WDR86: variants seen among roughly 807,000 people sequenced by gnomAD.
WDR86 encodes WD repeat-containing protein 86.
In WDR86, 30 loss-of-function variants were observed where a neutral mutation model predicts 36.5. The ratio of observed to expected loss-of-function variants is 0.82; its 90% confidence interval spans 0.61 to 1.11. The LOEUF is 1.11. Ranked by LOEUF, WDR86 falls within the 50% of genes most tolerant of loss-of-function variation. WDR86 has a pLI of 0.00. For missense variants in WDR86, 545 were observed against 561.2 expected (o/e 0.97, Z 0.29); for synonymous variants, 255 against 252.9 (o/e 1.01, Z -0.08).
the WDR86 span, among the ~76,000 whole-genome samples, chr7:151,370,120 G>T: frequency 6.6e-6 from 1 of 150,844 alleles, no homozygotes; most frequent in Non-Finnish European, 1.5e-5. Context: ...TTATTCCAGA[G>T]TCTCACTCTG....
intron 1 of WDR86, among the ~76,000 whole-genome samples, chr7:151,400,801 A>G (rs898399060): frequency 6.6e-6 from 1 of 152,246 alleles, no homozygotes; most frequent in African/African-American, 2.4e-5. Context: ...CGCAGCAACC[A>G]TGGCGACTGC....
In WDR86 at chr7:151,401,834, G is replaced by A. The variant is rs911021514; in HGVS notation, c.164-1593C>T. Among the ~76,000 whole-genome samples, 1 of 151,548 alleles carries A rather than the reference G, an allele frequency of 6.6e-6. No individual in the cohort carries two copies. On this transcript the variant is annotated intron_variant, in intron 1 of 5. Coordinates refer to ENST00000334493, the MANE Select transcript of WDR86 (RefSeq NM_198285.3). This position sits in a 1 kb window ranked among gnomAD's most constrained non-coding sequence, Gnocchi z 4.3. Reference sequence around the variant, plus strand: ...GGAGGCCGAGGCGGGTGGATCACAAGGTCAGGAGTTCAAGATCAGCCTGGC... The same window carrying A: ...GGAGGCCGAGGCGGGTGGATCACAAAGTCAGGAGTTCAAGATCAGCCTGGC...
chr7:151,394,134 C>CCCAGG (rs1799638466), intron 3 of WDR86, among the ~76,000 whole-genome samples: 1 of 152,230 alleles, frequency 6.6e-6, no homozygotes, highest in African/African-American at 2.4e-5. Flanking sequence ...CGACGAGCTG[C>CCCAGG]TCTCCCAAGC....
rs1279367564 is a variant in WDR86 at position 151,408,181 on chromosome 7, AT to A, written c.163+1245del. On this transcript the variant is annotated intron_variant, in intron 1 of 5. Transcript: ENST00000334493. ...GAAATATCTGCCCTAACTATGTAAT[AT>A]TTTTTTCTTTTCTTTTCTTTTTTTT... 2.9e-5 allele frequency among the ~76,000 whole-genome samples: 4 copies of A among 136,128 alleles called. No homozygotes were observed. The East Asian group carries it at 6.3e-4, about 21-fold the overall frequency. 89.3% of individuals were successfully genotyped at this position (136,128 alleles called of 152,430 possible).
chr7:151,394,581 T>C (rs559755486), intron 3 of WDR86, among the ~76,000 whole-genome samples: 87 of 152,308 alleles, frequency 5.7e-4, no homozygotes, highest in African/African-American at 2.1e-3. Context: ...GACCCCAGCA[T>C]GGGGGATCAC....
At chr7:151,400,852 A>G (rs1186587460) in intron 1 of WDR86, among the ~76,000 whole-genome samples, 1 of 152,240 alleles carries the variant, frequency 6.6e-6, no homozygotes, top group Non-Finnish European at 1.5e-5. Context: ...ACTGCAGGCA[A>G]GCTCATTCAA....
At chr7:151,376,596 C>T, downstream of WDR86, 1 of 1,553,216 alleles carries the variant, frequency 6.4e-7, no homozygotes, top group Non-Finnish European at 8.7e-7. Flanking sequence ...AGAAGAGGCG[C>T]CAGGGGCTGA....
downstream of WDR86, among the ~76,000 whole-genome samples, chr7:151,371,718 T>G (rs1381439857): frequency 1.3e-5 from 2 of 152,194 alleles, no homozygotes; most frequent in African/African-American, 2.4e-5. Context: ...GGTATGAGCA[T>G]CTGACTGAGC....
rs1801096134 is a variant in WDR86 at position 151,409,991 on chromosome 7, A to G, written c.-402T>C. 1.0e-6 allele frequency: 1 copy of G among 1,003,726 alleles called. No individual in the cohort carries two copies. 62.2% of individuals were successfully genotyped at this position (1,003,726 alleles called of 1,614,324 possible). A position where few individuals can be genotyped will look rare whatever the true frequency, so the allele number is the denominator to read the frequency against. On this transcript the variant is annotated 5_prime_UTR_variant, in exon 1 of 6. Coordinates refer to ENST00000334493, the MANE Select transcript of WDR86 (RefSeq NM_198285.3). This position sits in a 1 kb window ranked among gnomAD's most constrained non-coding sequence, Gnocchi z 5.2. Reference sequence around the variant, plus strand: ...GCTGGGGCGGGGAGAGGAACACGGGAAGCCGAGCGCCCCGCGCCCTCCCCG... The same window carrying G: ...GCTGGGGCGGGGAGAGGAACACGGGGAGCCGAGCGCCCCGCGCCCTCCCCG...
At chr7:151,376,059 C>T (rs1450760654) in exon 2 of WDR86, 1 of 729,130 alleles carries the variant, frequency 1.4e-6, no homozygotes, top group Non-Finnish European at 2.5e-6. Context: ...CCTTGGCTCC[C>T]AGGCTCCAGG....
chr7:151,379,460 CA>C (rs1798454687), downstream of WDR86, among the ~76,000 whole-genome samples: 1 of 152,142 alleles, frequency 6.6e-6, no homozygotes, highest in African/African-American at 2.4e-5. Context: ...GTCAATTTAT[CA>C]AAAGCAGACA....
downstream of WDR86, chr7:151,377,118 G>T: frequency 6.3e-7 from 1 of 1,586,860 alleles, no homozygotes; most frequent in East Asian, 2.3e-5. Flanking sequence ...AGACATTCCA[G>T]AGCATGAGGA....
In WDR86 at chr7:151,409,486, T is replaced by TCGCTGCCCGTCAGCAGG. The variant is rs1192379941; in HGVS notation, c.87_103dup (p.Glu35AlafsTer3). Reference sequence around the variant, plus strand: ...GCTCCAGAGCCGGGCCGTGCCGTCCTCGCTGCCCGTCAGCAGGCGCTGCCC... The same window carrying TCGCTGCCCGTCAGCAGG: ...GCTCCAGAGCCGGGCCGTGCCGTCCTCGCTGCCCGTCAGCAGGCGCTGCCCGTCAGCAGGCGCTGCCC... On this transcript the variant is annotated stop_gained and frameshift_variant, in exon 1 of 6. Transcript: ENST00000334493. LOFTEE classifies it high-confidence loss of function. The surrounding 1 kb of genome is among the most constrained non-coding windows in gnomAD (Gnocchi z 5.2). The TCGCTGCCCGTCAGCAGG allele has an allele frequency of 5.9e-5, 91 of 1,534,992 alleles. No homozygotes were observed. Among genetic ancestry groups the TCGCTGCCCGTCAGCAGG allele is most frequent in the Middle Eastern group, 2.1e-4 (1 of 4,718 alleles).
rs183291198 is a variant in WDR86, at chr7:151,385,119, G to A, written c.831C>T (p.Asn277=). Residue 277 remains asparagine (N), a synonymous_variant, in exon 4 of 6, where the codon AAC becomes AAT. Transcript: ENST00000334493. The part of the protein sequence containing the change: ...CVRTFTAHRR[N]VSALKYHAGT... Reference sequence around the variant, plus strand: ...CCGCGTGGTACTTGAGGGCGCTCACGTTGCGTCTGTGGGCCGTGAACGTGC... The same window carrying A: ...CCGCGTGGTACTTGAGGGCGCTCACATTGCGTCTGTGGGCCGTGAACGTGC... 9.9e-6 allele frequency: 16 copies of A among 1,611,522 alleles called. No homozygotes were observed. Among genetic ancestry groups the A allele is most frequent in the Admixed American group, 6.7e-5 (4 of 59,968 alleles).
intron 1 of WDR86, among the ~76,000 whole-genome samples, chr7:151,407,465 C>A (rs916711188): frequency 3.3e-5 from 5 of 152,220 alleles, no homozygotes; most frequent in Admixed American, 2.0e-4. Context: ...GTGGGCTAAG[C>A]TGGGCTCCCA....
rs1365202612 is a variant in WDR86 at position 151,381,317 on chromosome 7, C to G, written c.*265G>C. ...GGTGGGAGGGTCCCCAGGACTAGGCCTTTCGCCAGGTCAGGGATGGGGAGG... is the reference window on the plus strand; with the variant it reads ...GGTGGGAGGGTCCCCAGGACTAGGCGTTTCGCCAGGTCAGGGATGGGGAGG... On this transcript the variant is annotated 3_prime_UTR_variant, in exon 6 of 6. Coordinates refer to ENST00000334493, the MANE Select transcript of WDR86 (RefSeq NM_198285.3). The surrounding 1 kb of genome is among the most constrained non-coding windows in gnomAD (Gnocchi z 4.8). 1 of 1,351,918 alleles carries G rather than the reference C, an allele frequency of 7.4e-7. No homozygotes were observed. Among genetic ancestry groups the G allele is most frequent in the Non-Finnish European group, 9.5e-7 (1 of 1,057,992 alleles). The allele number at this position is 1,351,918 out of a possible 1,614,324, so 83.7% of individuals were successfully genotyped here. A position where few individuals can be genotyped will look rare whatever the true frequency, so the allele number is the denominator to read the frequency against.
chr7:151,395,335 T>A (rs1196312158), intron 3 of WDR86, among the ~76,000 whole-genome samples: 1 of 152,236 alleles, frequency 6.6e-6, no homozygotes. Flanking sequence ...GGCTGCATCA[T>A]GCCCACCCCA....
intron 1 of WDR86, among the ~76,000 whole-genome samples, chr7:151,402,070 A>AAAAAAAAAAAATATATATATATATATAT: frequency 2.0e-5 from 1 of 50,528 alleles, no homozygotes; most frequent in Non-Finnish European, 3.3e-5. Context: ...AAAAAAAAAA[A>AAAAAAAAAAAATATATATATATATATAT]ATATATATAT....
intron 3 of WDR86, among the ~76,000 whole-genome samples, chr7:151,394,849 C>T (rs1043281436): frequency 7.3e-5 from 11 of 151,608 alleles, no homozygotes; most frequent in Non-Finnish European, 1.5e-4. Context: ...GGCGTGAGAA[C>T]CCCCAGGCAC....
Sources: allele counts gnomAD v4.1 joint callset (sites outside exome capture counted in the v4.1 genomes callset), GRCh38; gene constraint gnomAD v4.1.1; non-coding constraint Gnocchi (gnomAD v3.1); transcripts MANE v1.5; gene names NCBI Gene and HGNC (gene_info 2026-07-23, HGNC 2026-07-21).